Variants in CMYA5 observed in about 807,000 individuals in gnomAD.
CMYA5 encodes the protein cardiomyopathy associated 5.
In CMYA5, 246 loss-of-function variants were observed where a neutral mutation model predicts 318.9. The observed-to-expected ratio is 0.77, with a 90% confidence interval of 0.70 to 0.86. The LOEUF (loss-of-function observed/expected upper bound fraction) is 0.86. Among genes scored for constraint, CMYA5 ranks in the 40% least tolerant of loss-of-function variants. The probability of loss-of-function intolerance (pLI) is 0.00; values close to 1 mark genes in which losing one functional copy is unlikely to be tolerated. For missense variants in CMYA5, 4,589 were observed against 4,678.2 expected (o/e 0.98, Z 0.56); for synonymous variants, 1,641 against 1,729.5 (o/e 0.95, Z 1.27).
rs201309113 is a variant in CMYA5 at position 79,734,974 on chromosome 5, A to C, written c.6209A>C (p.Lys2070Thr). ...TCAGAAACAATCTCCTCTTCTGTCA[A>C]AACAGCCCATTTCCCGGCAGAAGGT... is the stretch of plus-strand genomic sequence containing the variant. Reference protein sequence around the residue: ...VKSETISSSVKTAHFPAEGVE... With the variant: ...VKSETISSSVTTAHFPAEGVE... Residue 2070 changes from lysine (K) to threonine (T), a missense_variant, in exon 2 of 13, where the codon AAA (lysine) becomes ACA (threonine). Lys to Thr is a moderately conservative substitution (Grantham distance 78). This residue lies in a region of CMYA5 where 2,431 missense variants were observed against 2,495.1 expected (regional missense o/e 0.97). Coordinates refer to ENST00000446378, the MANE Select transcript of CMYA5 (RefSeq NM_153610.5). 1.3e-4 allele frequency: 216 copies of C among 1,613,750 alleles called. 1 individual carries two copies. In the Admixed American group the frequency reaches 3.6e-3, roughly 27 times the overall value.
intron 1 of CMYA5, among the ~76,000 whole-genome samples, chr5:79,712,109 G>A (rs1259441932): frequency 1.3e-5 from 2 of 152,178 alleles, no homozygotes; most frequent in East Asian, 3.9e-4. Flanking sequence ...AGGCAAAGGG[G>A]TCCTCTCTCC....
intron 1 of CMYA5, among the ~76,000 whole-genome samples, chr5:79,691,277 C>A (rs1826966272): frequency 6.6e-6 from 1 of 152,090 alleles, no homozygotes; most frequent in Non-Finnish European, 1.5e-5. Flanking sequence ...ACCTGTGATC[C>A]CTTGGCAGTG....
intron 9 of CMYA5, among the ~76,000 whole-genome samples, chr5:79,774,670 G>A (rs187606583): frequency 6.6e-5 from 10 of 152,318 alleles, no homozygotes; most frequent in African/African-American, 2.4e-4. Context: ...ATCCTCCAGG[G>A]CAAGCATTTC....
At chr5:79,771,870 A>G (rs572946040) in intron 9 of CMYA5, among the ~76,000 whole-genome samples, 29 of 152,334 alleles carry the variant, frequency 1.9e-4, no homozygotes, top group Non-Finnish European at 4.0e-4. Flanking sequence ...GGCATCCCTC[A>G]ATAACCTGAT....
At chr5:79,705,594 T>C (rs1827254885) in intron 1 of CMYA5, among the ~76,000 whole-genome samples, 2 of 152,102 alleles carry the variant, frequency 1.3e-5, no homozygotes, top group African/African-American at 4.8e-5. Flanking sequence ...CCACTGCAAA[T>C]ATTTTAAACT....
At chr5:79,762,998 C>T (rs1828681160) in intron 8 of CMYA5, 64 bp from the exon 9 acceptor site, 2 of 1,535,310 alleles carry the variant, frequency 1.3e-6, no homozygotes, top group South Asian at 1.2e-5. Flanking sequence ...AGATCACGTG[C>T]TTCTCAGGTC....
At chr5:79,690,856 G>A (rs1470732824) in intron 1 of CMYA5, among the ~76,000 whole-genome samples, 1 of 152,142 alleles carries the variant, frequency 6.6e-6, no homozygotes, top group Non-Finnish European at 1.5e-5. Flanking sequence ...TTTGAAGGTG[G>A]CAGGTGGGTG....
In CMYA5 at chr5:79,731,789, C is replaced by A. The variant is rs1827913352; in HGVS notation, c.3024C>A (p.Ile1008=). 2 of 1,612,900 alleles carry A rather than the reference C, an allele frequency of 1.2e-6. No individual in the cohort carries two copies. The highest frequency in any genetic ancestry group is 1.7e-5 in the Admixed American group (1 of 59,864). ...FSPDSASQVS[I]PPFRISETEK... ...CAGACTCAGCATCACAAGTTTCAAT[C>A]CCTCCCTTTAGAATCTCAGAAACAG... is the stretch of plus-strand genomic sequence containing the variant. Residue 1008 remains isoleucine (I), a synonymous_variant, in exon 2 of 13, where the codon ATC becomes ATA. Coordinates refer to ENST00000446378, the MANE Select transcript of CMYA5 (RefSeq NM_153610.5).
At chr5:79,741,311 G>A (rs1191877047) in intron 2 of CMYA5, among the ~76,000 whole-genome samples, 1 of 152,148 alleles carries the variant, frequency 6.6e-6, no homozygotes, top group African/African-American at 2.4e-5. Flanking sequence ...AACTGGGGCT[G>A]GTACCCAGAT....
In CMYA5 at chr5:79,730,400, G is replaced by T. The variant is rs145093468; in HGVS notation, c.1635G>T (p.Lys545Asn). ...DYPESPLVSE[K>N]PFPPHMSPEV... ...CAGAAAGCCCATTGGTTTCCGAGAA[G>T]CCCTTCCCACCACATATGTCCCCTG... The change falls in exon 2 of 13, where the codon AAG (lysine) becomes AAT (asparagine). Residue 545 changes from lysine to asparagine, a missense_variant. This residue lies in a region of CMYA5 where 2,132 missense variants were observed against 2,131.3 expected (regional missense o/e 1.00). Transcript: ENST00000446378. The T allele has an allele frequency of 9.3e-6, 15 of 1,613,862 alleles. No individual in the cohort carries two copies. The highest frequency in any genetic ancestry group is 1.1e-5 in the Non-Finnish European group (13 of 1,179,884).
chr5:79,789,447 C>T (rs1397431821), intron 10 of CMYA5, among the ~76,000 whole-genome samples: 1 of 149,882 alleles, frequency 6.7e-6, no homozygotes, highest in African/African-American at 2.5e-5. Flanking sequence ...TTTTTTGAGA[C>T]AGAGTCTCAC....
chr5:79,735,747 G>A lies in CMYA5; in HGVS notation c.6982G>A (p.Val2328Ile), dbSNP rs888090029. 2.5e-6 allele frequency: 4 copies of A among 1,585,020 alleles called. No homozygotes were observed. The highest frequency in any genetic ancestry group is 3.4e-6 in the Non-Finnish European group (4 of 1,170,722). ...TTATTCACTAATCGGTGAGAAATTG[G>A]TTATGGAAGAAGCCAAAACTATTGT... is the stretch of plus-strand genomic sequence containing the variant. ...QSYSLIGEKL[V>I]MEEAKTIVPP... Residue 2328 changes from valine (V) to isoleucine (I), a missense_variant, in exon 2 of 13, where the codon GTT (valine) becomes ATT (isoleucine). Physicochemically the swap from Val to Ile is conservative, Grantham distance 29. Transcript: ENST00000446378.
chr5:79,798,071 T>C (rs996210850), intron 12 of CMYA5, among the ~76,000 whole-genome samples: 1 of 152,132 alleles, frequency 6.6e-6, no homozygotes, highest in Non-Finnish European at 1.5e-5. Flanking sequence ...TAGCAAGGCA[T>C]TGAAAAGGTC....
intron 9 of CMYA5, among the ~76,000 whole-genome samples, chr5:79,786,491 C>T (rs1456735153): frequency 6.6e-6 from 1 of 152,194 alleles, no homozygotes; most frequent in African/African-American, 2.4e-5. Flanking sequence ...CAATCGTGGC[C>T]TCATTTGCTG....
chr5:79,773,991 G>A (rs1283600761), intron 9 of CMYA5, among the ~76,000 whole-genome samples: 1 of 152,220 alleles, frequency 6.6e-6, no homozygotes, highest in Non-Finnish European at 1.5e-5. Flanking sequence ...CCTCTAGATT[G>A]GAGAATCTAA....
intron 5 of CMYA5, among the ~76,000 whole-genome samples, chr5:79,749,727 G>A (rs1828396125): frequency 6.6e-6 from 1 of 152,106 alleles, no homozygotes; most frequent in Non-Finnish European, 1.5e-5. Context: ...AGCACCATAT[G>A]CAGTTGGGAG....
chr5:79,710,668 C>G (rs1209031284), intron 1 of CMYA5, among the ~76,000 whole-genome samples: 1 of 151,934 alleles, frequency 6.6e-6, no homozygotes, highest in Non-Finnish European at 1.5e-5. Context: ...TCCTATATAT[C>G]CTACAGTGAA....
chr5:79,716,663 C>A (rs2162805), intron 1 of CMYA5, among the ~76,000 whole-genome samples: 13,043 of 152,222 alleles, frequency 0.086, 763 homozygotes, highest in African/African-American at 0.16. Flanking sequence ...TACTCCTACA[C>A]TCTTGTATAG....
intron 12 of CMYA5, among the ~76,000 whole-genome samples, chr5:79,797,750 C>A (rs1008816724): frequency 6.6e-6 from 1 of 152,198 alleles, no homozygotes; most frequent in African/African-American, 2.4e-5. Flanking sequence ...ACTTACTTAT[C>A]CACGTAACAT....
Sources: gnomAD v4.1 joint callset for allele counts (sites outside exome capture counted in the v4.1 genomes callset) on GRCh38, gnomAD v4.1.1 for gene constraint, gnomAD v4.1.1 regional missense constraint, MANE v1.5 for transcripts, NCBI Gene and HGNC (gene_info 2026-07-23, HGNC 2026-07-21) for gene names.